The following KCNH7 variants were observed in gnomAD, a reference collection of about 807,000 sequenced individuals.
The protein encoded by KCNH7 is voltage-gated inwardly rectifying potassium channel KCNH7.
Under a neutral mutation model 120.8 loss-of-function variants are expected in KCNH7, and 49 were observed. That is an observed-to-expected ratio of 0.41 (90% CI 0.32 to 0.51). The LOEUF is 0.51. KCNH7 is among the 20% of genes least tolerant of loss of function. KCNH7 has a pLI of 0.38. For synonymous variants in KCNH7, 547 were observed against 516.1 expected, an observed-to-expected ratio of 1.06 and a Z score of -0.81; for missense variants, 1,097 against 1,446.6, an observed-to-expected ratio of 0.76 and a Z score of 3.92.
At chr2:162,710,734 C>T (rs1444725625) in intron 2 of KCNH7, among the ~76,000 whole-genome samples, 1 of 152,168 alleles carries the variant, frequency 6.6e-6, no homozygotes, top group Admixed American at 6.6e-5. Flanking sequence ...TGCCTGCTAG[C>T]AGCTGCTGCT....
At chr2:162,743,535 G>T (rs1688210498) in intron 2 of KCNH7, among the ~76,000 whole-genome samples, 1 of 152,072 alleles carries the variant, frequency 6.6e-6, no homozygotes, top group South Asian at 2.1e-4. Context: ...ACTTGGTTAA[G>T]AACTGGAATC....
At chr2:162,765,202 A>C (rs572091600) in intron 2 of KCNH7, among the ~76,000 whole-genome samples, 1 of 152,344 alleles carries the variant, frequency 6.6e-6, no homozygotes, top group South Asian at 2.1e-4. Flanking sequence ...AGGGTGCAGA[A>C]AAAGGAAAAT....
At position 162,642,939 on chromosome 2, in the gene KCNH7, T is replaced by C. The variant is rs188268950; in HGVS notation, c.308-105859A>G. Among the ~76,000 whole-genome samples, 11 of 152,328 alleles carry C rather than the reference T, an allele frequency of 7.2e-5. No homozygotes were observed. The East Asian group carries it at 1.9e-3, about 27-fold the overall frequency. ...CAGGCATAACATGCTGGTCAAATTA[T>C]GGGCACTAGGGGAAATGTAAGATGA... On this transcript the variant is annotated intron_variant, in intron 2 of 15. Coordinates refer to ENST00000332142, the MANE Select transcript of KCNH7 (RefSeq NM_033272.4).
At chr2:162,752,949 A>C (rs1574343160) in intron 2 of KCNH7, among the ~76,000 whole-genome samples, 1 of 106,744 alleles carries the variant, frequency 9.4e-6, no homozygotes, top group African/African-American at 5.7e-5. Context: ...AAAAGAAAAG[A>C]AAAGAAAAGA....
At chr2:162,689,213 C>T (rs761694143) in intron 2 of KCNH7, among the ~76,000 whole-genome samples, 5 of 152,106 alleles carry the variant, frequency 3.3e-5, no homozygotes, top group South Asian at 2.1e-4. Context: ...TGCAAAGGCA[C>T]GATCTCGGCT....
intron 2 of KCNH7, among the ~76,000 whole-genome samples, chr2:162,566,350 T>C (rs1205132247): frequency 3.3e-5 from 5 of 152,182 alleles, no homozygotes; most frequent in Non-Finnish European, 5.9e-5. Flanking sequence ...CATAATATTT[T>C]GGGACTCGCA....
chr2:162,561,774 C>T (rs1693076870), intron 2 of KCNH7, among the ~76,000 whole-genome samples: 1 of 152,156 alleles, frequency 6.6e-6, no homozygotes, highest in South Asian at 2.1e-4. Flanking sequence ...ATGTTTACTG[C>T]AGCATTGTTC....
intron 2 of KCNH7, among the ~76,000 whole-genome samples, chr2:162,585,597 G>A (rs921528110): frequency 2.0e-5 from 3 of 151,600 alleles, no homozygotes; most frequent in Non-Finnish European, 2.9e-5. Flanking sequence ...GATTGATAAA[G>A]CATTTCTAAA....
intron 4 of KCNH7, among the ~76,000 whole-genome samples, chr2:162,513,253 CTTTCCCTCCTTCCTTCCCT>C (rs1691147201): frequency 7.8e-6 from 1 of 128,946 alleles, no homozygotes; most frequent in Admixed American, 1.1e-4. Context: ...TCCCTTCCCT[CTTTCCCTCCTTCCTTCCCT>C]CCTTCCCTCC....
chr2:162,834,916 G>T (rs1218149159), intron 2 of KCNH7, among the ~76,000 whole-genome samples: 1 of 152,030 alleles, frequency 6.6e-6, no homozygotes, highest in Non-Finnish European at 1.5e-5. Context: ...GACCAAAGAT[G>T]GACCAACATT....
intron 2 of KCNH7, among the ~76,000 whole-genome samples, chr2:162,770,378 C>T (rs989303875): frequency 6.6e-6 from 1 of 150,386 alleles, no homozygotes; most frequent in African/African-American, 2.4e-5. Context: ...ATTTCAAATA[C>T]AAAGCTTTTA....
At chr2:162,546,879 G>GGTGT (rs1015208074) in intron 2 of KCNH7, among the ~76,000 whole-genome samples, 4 of 152,032 alleles carry the variant, frequency 2.6e-5, no homozygotes, top group African/African-American at 9.7e-5. Context: ...CACTCCTGGG[G>GGTGT]GTGTGATGGA....
intron 2 of KCNH7, among the ~76,000 whole-genome samples, chr2:162,667,018 CT>C (rs34213467): frequency 0.1 from 12,431 of 124,020 alleles, 463 homozygotes; most frequent in East Asian, 0.29. Flanking sequence ...TTTTCTTTTT[CT>C]TTTTTTTTTT....
intron 2 of KCNH7, among the ~76,000 whole-genome samples, chr2:162,545,323 T>A (rs1692442750): frequency 6.6e-6 from 1 of 152,208 alleles, no homozygotes; most frequent in Non-Finnish European, 1.5e-5. Flanking sequence ...TGAAGTCCTA[T>A]TTTAGAGAAG....
intron 2 of KCNH7, among the ~76,000 whole-genome samples, chr2:162,794,683 T>G (rs1050041610): frequency 3.9e-5 from 6 of 152,052 alleles, no homozygotes; most frequent in African/African-American, 1.4e-4. Flanking sequence ...AAGTTTTACT[T>G]GATTGAATTA....
At chr2:162,458,027 GGTA>G (rs1177807436) in intron 6 of KCNH7, among the ~76,000 whole-genome samples, 2 of 151,894 alleles carry the variant, frequency 1.3e-5, no homozygotes, top group South Asian at 2.1e-4. Flanking sequence ...ATTAAAATTA[GGTA>G]GTAGAATCAC....
At chr2:162,408,260 T>A (rs890134888) in intron 9 of KCNH7, among the ~76,000 whole-genome samples, 2 of 152,082 alleles carry the variant, frequency 1.3e-5, no homozygotes, top group African/African-American at 4.8e-5. Context: ...GATGATCTTT[T>A]CATTTTTTAC....
chr2:162,417,331 C>T (rs1265831027), intron 9 of KCNH7, among the ~76,000 whole-genome samples: 5 of 152,118 alleles, frequency 3.3e-5, no homozygotes, highest in East Asian at 3.9e-4. Flanking sequence ...TTATTAATGG[C>T]TTCACCTGTG....
At chr2:162,655,113 A>T (rs1468466259) in intron 2 of KCNH7, among the ~76,000 whole-genome samples, 2 of 152,142 alleles carry the variant, frequency 1.3e-5, no homozygotes, top group African/African-American at 2.4e-5. Context: ...GAAAATTGCT[A>T]AGAGAGTAGA....
Sources: allele counts gnomAD v4.1 joint callset (sites outside exome capture counted in the v4.1 genomes callset), GRCh38; gene constraint gnomAD v4.1.1; transcripts MANE v1.5; gene names NCBI Gene and HGNC (gene_info 2026-07-23, HGNC 2026-07-21).